The following SIMC1 variants were observed in gnomAD, a reference collection of about 807,000 sequenced individuals.
SIMC1 encodes SUMO interacting motifs containing 1.
SIMC1 carries 55 observed loss-of-function variants against 82.3 expected under a neutral mutation model. The observed-to-expected ratio is 0.67, with a 90% CI of 0.54 to 0.84. SIMC1 has a LOEUF of 0.84. Ranked by LOEUF, SIMC1 falls within the 40% of genes least tolerant of loss-of-function variation. The pLI is 0.00. For missense variants in SIMC1, 915 were observed against 1,107.2 expected (o/e 0.83, Z 2.46); for synonymous variants, 353 against 426.3 (o/e 0.83, Z 2.12).
chr5:176,317,127 T>A (rs1369389550), intron 5 of SIMC1, among the ~76,000 whole-genome samples: 1 of 152,242 alleles, frequency 6.6e-6, no homozygotes, highest in Non-Finnish European at 1.5e-5. Flanking sequence ...CTTTGATTCA[T>A]TAAGAAATGG....
intron 9 of SIMC1, 60 bp from the exon 10 acceptor site, chr5:176,345,123 T>C (rs141009270): frequency 6.4e-7 from 1 of 1,550,520 alleles, no homozygotes; most frequent in East Asian, 2.3e-5. Context: ...AAAATTAGAC[T>C]TCTTAAAAAG....
At chr5:176,253,543 A>T (rs1260618826) in intron 1 of SIMC1, among the ~76,000 whole-genome samples, 1 of 152,124 alleles carries the variant, frequency 6.6e-6, no homozygotes, top group Non-Finnish European at 1.5e-5. Flanking sequence ...CCTCAGTGCC[A>T]GGATGGACCT....
chr5:176,246,680 A>G (rs1049533655), intron 1 of SIMC1, among the ~76,000 whole-genome samples: 3 of 151,928 alleles, frequency 2.0e-5, no homozygotes, highest in African/African-American at 7.3e-5. Context: ...TTACATAGGT[A>G]TACACATGCC....
intron 1 of SIMC1, among the ~76,000 whole-genome samples, chr5:176,277,715 C>T (rs1762779630): frequency 1.3e-5 from 2 of 152,120 alleles, no homozygotes; most frequent in Middle Eastern, 3.4e-3. Flanking sequence ...AATCCTTTCC[C>T]CATTGCTTGT....
At chr5:176,320,215 G>T (rs1765099137) in intron 5 of SIMC1, among the ~76,000 whole-genome samples, 1 of 152,098 alleles carries the variant, frequency 6.6e-6, no homozygotes, top group Non-Finnish European at 1.5e-5. Context: ...GCCGTGCCTG[G>T]TATCCCAGTC....
intron 1 of SIMC1, among the ~76,000 whole-genome samples, chr5:176,273,991 A>G (rs560434056): frequency 5.3e-5 from 8 of 151,226 alleles, no homozygotes; most frequent in Non-Finnish European, 1.0e-4. Context: ...TTACAGCAGC[A>G]TGATTTATAG....
In SIMC1 at chr5:176,322,443, C is replaced by A; in HGVS notation, c.2042+18C>A. On this transcript the variant is annotated intron_variant, in intron 6 of 9. Transcript: ENST00000429602. ...AATCAGCTGTAAGGGGCAGGCAGTT[C>A]TCTTTCCTGGGGCTCTTGGGGTTTA... The A allele has an allele frequency of 6.2e-7, 1 of 1,601,982 alleles. No individual in the cohort carries two copies. Among genetic ancestry groups the A allele is most frequent in the South Asian group, 1.1e-5 (1 of 88,596 alleles).
rs1764582979 is a variant in SIMC1, at chr5:176,309,759, ACT to A, written c.1735-3929_1735-3928del. On this transcript the variant is annotated intron_variant, in intron 4 of 9. Transcript: ENST00000429602. The stretch of plus-strand genomic sequence containing the variant: ...CAGACCAGCCTGGCAACATAGTGAG[ACT>A]CTGTCTCTACAAAAAAATTTTTTTA... 2.6e-5 allele frequency among the ~76,000 whole-genome samples: 4 copies of A among 152,148 alleles called. No individual in the cohort carries two copies. In the South Asian group the frequency reaches 8.3e-4, roughly 32 times the overall value.
At chr5:176,248,837 G>T (rs904897093) in intron 1 of SIMC1, among the ~76,000 whole-genome samples, 1 of 152,054 alleles carries the variant, frequency 6.6e-6, no homozygotes, top group African/African-American at 2.4e-5. Flanking sequence ...TTCTATCAAA[G>T]GCCTTTTCTG....
chr5:176,289,777 G>A lies in SIMC1; in HGVS notation c.253G>A (p.Glu85Lys). The change falls in exon 2 of 10, where the codon GAA (glutamate) becomes AAA (lysine). Residue 85 changes from glutamate to lysine, a missense_variant. Glu to Lys is a moderately conservative substitution (Grantham distance 56). Around this residue, in one of 2 missense-constraint regions of SIMC1, gnomAD observed 902 missense variants for 1,040.3 expected, o/e 0.87. Coordinates refer to ENST00000429602, the MANE Select transcript of SIMC1 (RefSeq NM_001308195.2). ...TATTGCCACTCTTGACTTAACTTTA[G>A]AACCTGTCACTCCTTCCCAGAAGGA... ...RPIATLDLTL[E>K]PVTPSQKEPT... The A allele has an allele frequency of 6.2e-7, 1 of 1,613,932 alleles. No individual in the cohort carries two copies.
intron 2 of SIMC1, 183 bp from the exon 3 acceptor site, chr5:176,294,847 C>A (rs1180011636): frequency 2.6e-6 from 2 of 772,450 alleles, no homozygotes; most frequent in Non-Finnish European, 1.9e-6. Context: ...CGCCTGTAGT[C>A]CCAGCTACTC....
intron 1 of SIMC1, among the ~76,000 whole-genome samples, chr5:176,284,563 G>C (rs556572165): frequency 1.3e-5 from 2 of 152,192 alleles, no homozygotes; most frequent in Non-Finnish European, 2.9e-5. Context: ...ATGCCCGCAA[G>C]AGAAAGCAGG....
chr5:176,322,722 A>G (rs934999052), intron 6 of SIMC1: 1 of 282,934 alleles, frequency 3.5e-6, no homozygotes, highest in African/African-American at 2.1e-5. Flanking sequence ...TTCAGGAGAC[A>G]GTAAAGGGTT....
intron 5 of SIMC1, among the ~76,000 whole-genome samples, chr5:176,321,742 C>T (rs1581311352): frequency 6.6e-6 from 1 of 152,222 alleles, no homozygotes; most frequent in East Asian, 1.9e-4. Flanking sequence ...ATAGAGCTGG[C>T]AAGGACTTCT....
intron 1 of SIMC1, among the ~76,000 whole-genome samples, chr5:176,258,856 T>C (rs1761928678): frequency 6.6e-6 from 1 of 152,252 alleles, no homozygotes; most frequent in South Asian, 2.1e-4. Flanking sequence ...CTTTGGGAGG[T>C]TGGTGGGTCT....
intron 1 of SIMC1, among the ~76,000 whole-genome samples, chr5:176,272,850 C>CT (rs1229509224): frequency 1.3e-5 from 2 of 152,196 alleles, no homozygotes; most frequent in African/African-American, 4.8e-5. Flanking sequence ...GCACAGCAGT[C>CT]TGAGATTGAA....
intron 7 of SIMC1, among the ~76,000 whole-genome samples, chr5:176,335,537 C>T (rs960147766): frequency 4.6e-5 from 7 of 151,870 alleles, no homozygotes; most frequent in Non-Finnish European, 8.8e-5. Context: ...CTCGGCCTCC[C>T]AAAGTGCTAG....
chr5:176,255,526 G>A (rs1371424034), intron 1 of SIMC1, among the ~76,000 whole-genome samples: 1 of 150,960 alleles, frequency 6.6e-6, no homozygotes, highest in East Asian at 1.9e-4. Context: ...AAGTTGTAGT[G>A]AGCCAAGATC....
chr5:176,244,728 T>TTC (rs1206448800), intron 1 of SIMC1, among the ~76,000 whole-genome samples: 1 of 146,278 alleles, frequency 6.8e-6, no homozygotes, highest in Admixed American at 6.8e-5. Context: ...CCTTTTTTTT[T>TTC]TTTTTTTTTT....
Sources: allele counts gnomAD v4.1 joint callset (sites outside exome capture counted in the v4.1 genomes callset), GRCh38; gene constraint gnomAD v4.1.1; regional missense constraint gnomAD v4.1.1; transcripts MANE v1.5; gene names NCBI Gene and HGNC (gene_info 2026-07-23, HGNC 2026-07-21).